The following EYA1 variants were observed in gnomAD, a reference collection of about 807,000 sequenced individuals.
EYA1 encodes the protein EYA transcriptional coactivator and phosphatase 1.
In EYA1, 16 loss-of-function variants were observed where a neutral mutation model predicts 82.0. The observed-to-expected ratio is 0.20, with a 90% CI of 0.13 to 0.30. EYA1 has a LOEUF of 0.30. Ranked by LOEUF, EYA1 falls within the 10% of genes least tolerant of loss-of-function variation. The pLI is 1.00. For synonymous variants in EYA1, 261 were observed against 264.4 expected (o/e 0.99, Z 0.12); for missense variants, 633 against 730.7 (o/e 0.87, Z 1.54).
intron 2 of EYA1, among the ~76,000 whole-genome samples, chr8:71,438,740 C>G (rs1471579146): frequency 6.6e-6 from 1 of 152,114 alleles, no homozygotes; most frequent in East Asian, 1.9e-4. Context: ...AAGAACACGA[C>G]TGAGACAGGC....
chr8:71,405,093 G>A (rs1292248137), intron 2 of EYA1, among the ~76,000 whole-genome samples: 1 of 152,026 alleles, frequency 6.6e-6, no homozygotes. Context: ...AATAAGAGTA[G>A]TACAAGGTGC....
chr8:71,496,253 G>A (rs1423111168), intron 2 of EYA1, among the ~76,000 whole-genome samples: 1 of 152,124 alleles, frequency 6.6e-6, no homozygotes, highest in Admixed American at 6.5e-5. Flanking sequence ...AATTGCTCTT[G>A]TTTTGCATGC....
At chr8:71,378,893 A>C (rs1428553250) in intron 2 of EYA1, among the ~76,000 whole-genome samples, 1 of 152,254 alleles carries the variant, frequency 6.6e-6, no homozygotes, top group Non-Finnish European at 1.5e-5. Context: ...GAAGTGAATG[A>C]AATTTTTATT....
chr8:71,294,609 A>G (rs1819399623), intron 9 of EYA1, among the ~76,000 whole-genome samples: 1 of 152,240 alleles, frequency 6.6e-6, no homozygotes, highest in African/African-American at 2.4e-5. Flanking sequence ...AAATAAATGG[A>G]GAGATATTCC....
intron 12 of EYA1, among the ~76,000 whole-genome samples, chr8:71,226,965 C>T (rs1810635774): frequency 6.6e-6 from 1 of 151,854 alleles, no homozygotes; most frequent in African/African-American, 2.4e-5. Flanking sequence ...TGTATCATAA[C>T]CAGTGCAAAC....
intron 4 of EYA1, among the ~76,000 whole-genome samples, chr8:71,330,879 G>A (rs149781315): frequency 0.018 from 2,715 of 147,862 alleles, 78 homozygotes; most frequent in African/African-American, 0.065. Context: ...GTGTGTGTAT[G>A]CATACGCATA....
intron 2 of EYA1, among the ~76,000 whole-genome samples, chr8:71,368,367 G>A (rs1451030616): frequency 4.6e-5 from 7 of 151,968 alleles, no homozygotes. Context: ...CATTAGCTTT[G>A]GCCTCTCGGG....
chr8:71,263,972 C>G (rs984534682), intron 11 of EYA1, among the ~76,000 whole-genome samples: 2 of 152,276 alleles, frequency 1.3e-5, no homozygotes. Flanking sequence ...GGAACACAGC[C>G]ACATTTATTC....
intron 2 of EYA1, among the ~76,000 whole-genome samples, chr8:71,514,095 G>T (rs994992711): frequency 1.3e-5 from 2 of 152,104 alleles, no homozygotes; most frequent in African/African-American, 2.4e-5. Context: ...TAACAAACAT[G>T]AGAGTGCAGA....
At chr8:71,283,823 G>A (rs957051398) in intron 9 of EYA1, among the ~76,000 whole-genome samples, 1 of 152,218 alleles carries the variant, frequency 6.6e-6, no homozygotes, top group Non-Finnish European at 1.5e-5. Flanking sequence ...AGGGTTGAGA[G>A]ATGGAAGAGT....
At chr8:71,354,701 A>C (rs930626227) in intron 3 of EYA1, 81 bp downstream of exon 3, 25 of 1,414,802 alleles carry the variant, frequency 1.8e-5, no homozygotes, top group Non-Finnish European at 2.5e-5. Flanking sequence ...TTGACAACTG[A>C]AATCATAACC....
intron 2 of EYA1, among the ~76,000 whole-genome samples, chr8:71,411,649 C>G (rs1830596344): frequency 2.0e-5 from 3 of 151,566 alleles, no homozygotes; most frequent in South Asian, 4.2e-4. Flanking sequence ...CACTGGCCAT[C>G]AGAGAAATGC....
chr8:71,414,489 G>A (rs1830759111), intron 2 of EYA1, among the ~76,000 whole-genome samples: 1 of 152,190 alleles, frequency 6.6e-6, no homozygotes, highest in Admixed American at 6.5e-5. Flanking sequence ...TTTGACTGCA[G>A]AGAAAGAGCT....
rs561513061 is a variant in EYA1, at chr8:71,238,462, G to A, written c.1140+6141C>T. Among the ~76,000 whole-genome samples the A allele has an allele frequency of 2.5e-3, 386 of 152,150 alleles. 1 individual carries two copies. The highest frequency in any genetic ancestry group is 8.6e-3 in the African/African-American group (358 of 41,528). On this transcript the variant is annotated intron_variant, in intron 12 of 17. Coordinates refer to ENST00000340726, the MANE Select transcript of EYA1 (RefSeq NM_000503.6). ...TCATATTACAAAAATGAGAAAGAAA[G>A]ACATCTCATTTATTGAAACCTTCCT...
intron 2 of EYA1, among the ~76,000 whole-genome samples, chr8:71,524,531 GATAGCTATACTTTGATAGAA>G (rs907261762): frequency 6.6e-6 from 1 of 152,130 alleles, no homozygotes; most frequent in African/African-American, 2.4e-5. Context: ...ACATCCCTGT[GATAGCTATACTTTGATAGAA>G]ATACAACAGC....
chr8:71,237,865 A>G (rs767496275), intron 12 of EYA1, among the ~76,000 whole-genome samples: 32 of 152,198 alleles, frequency 2.1e-4, no homozygotes, highest in Non-Finnish European at 4.0e-4. Context: ...TTACAGCTCA[A>G]TGAATTTCTA....
intron 1 of EYA1, among the ~76,000 whole-genome samples, chr8:71,546,807 T>G: frequency 6.6e-6 from 1 of 152,138 alleles, no homozygotes; most frequent in South Asian, 2.1e-4. Flanking sequence ...CCTGGCCCGA[T>G]TCTTTTGAAT....
At chr8:71,492,716 C>T (rs1193284959) in intron 2 of EYA1, among the ~76,000 whole-genome samples, 3 of 152,298 alleles carry the variant, frequency 2.0e-5, no homozygotes, top group Admixed American at 6.5e-5. Flanking sequence ...CCACCCTCCT[C>T]GACCTCCCAA....
chr8:71,320,892 A>C (rs1221567953), intron 6 of EYA1, among the ~76,000 whole-genome samples: 1 of 152,152 alleles, frequency 6.6e-6, no homozygotes, highest in Non-Finnish European at 1.5e-5. Flanking sequence ...GCACAGAATT[A>C]CTTATTCTAT....
Sources: allele counts gnomAD v4.1 joint callset (sites outside exome capture counted in the v4.1 genomes callset), GRCh38; gene constraint gnomAD v4.1.1; transcripts MANE v1.5; gene names NCBI Gene and HGNC (gene_info 2026-07-23, HGNC 2026-07-21).